TSPAN18: variants seen among roughly 807,000 people sequenced by gnomAD.
The protein encoded by TSPAN18 is tetraspanin 18.
TSPAN18 carries 14 observed loss-of-function variants against 27.3 expected under a neutral mutation model. That is an observed-to-expected ratio of 0.51 (90% CI 0.34 to 0.80). The LOEUF is 0.80. Ranked by LOEUF, TSPAN18 falls within the 30% of genes least tolerant of loss-of-function variation. The pLI, the probability that TSPAN18 is intolerant of heterozygous loss-of-function variation, is 0.01. For missense variants in TSPAN18, 268 were observed against 323.9 expected (o/e 0.83, Z 1.32); for synonymous variants, 143 against 136.5 (o/e 1.05, Z -0.33).
rs71038824 is a variant in TSPAN18, at chr11:44,867,389, CTTTTTTTTTTT to C, written c.-11+6937_-11+6947del. On this transcript the variant is annotated intron_variant, in intron 3 of 9. Coordinates refer to ENST00000520358, the MANE Select transcript of TSPAN18 (RefSeq NM_130783.5). ...ACTGGAGAAGGCTTGGTTTATGAAT[CTTTTTTTTTTT>C]TTTTTTTTTTTTTTTTCAGACAGAG... 2.6e-3 allele frequency among the ~76,000 whole-genome samples: 157 copies of C among 60,426 alleles called. 6 individuals carry two copies. In the East Asian group the frequency reaches 0.05, roughly 19 times the overall value. 39.6% of individuals were successfully genotyped at this position (60,426 alleles called of 152,430 possible).
At chr11:44,738,733 T>C (rs1225951777) in intron 1 of TSPAN18, among the ~76,000 whole-genome samples, 2 of 152,196 alleles carry the variant, frequency 1.3e-5, no homozygotes, top group Non-Finnish European at 2.9e-5. Context: ...TCATTATAAC[T>C]TAATTGCCAA....
intron 3 of TSPAN18, among the ~76,000 whole-genome samples, chr11:44,899,316 T>G (rs1213082280): frequency 6.6e-6 from 1 of 152,230 alleles, no homozygotes; most frequent in Non-Finnish European, 1.5e-5. Context: ...GGTCCCCACC[T>G]GGGGGTAGTC....
intron 2 of TSPAN18, among the ~76,000 whole-genome samples, chr11:44,802,558 C>A (rs1856504579): frequency 6.8e-6 from 1 of 146,692 alleles, no homozygotes; most frequent in African/African-American, 2.5e-5. Flanking sequence ...AGGGCTGCCT[C>A]CCCAGCCCCC....
intron 2 of TSPAN18, among the ~76,000 whole-genome samples, chr11:44,786,731 A>G (rs1489055162): frequency 6.7e-6 from 1 of 150,130 alleles, no homozygotes; most frequent in Non-Finnish European, 1.5e-5. Context: ...CCCTGGGTTC[A>G]AGCGATTCTC....
At chr11:44,741,366 C>T (rs751844476) in intron 1 of TSPAN18, among the ~76,000 whole-genome samples, 2 of 151,618 alleles carry the variant, frequency 1.3e-5, no homozygotes, top group African/African-American at 4.9e-5. Flanking sequence ...GCTATGTAAT[C>T]GAATTTAAAT....
chr11:44,823,820 C>T (rs964287564), intron 2 of TSPAN18, among the ~76,000 whole-genome samples: 1 of 152,150 alleles, frequency 6.6e-6, no homozygotes, highest in African/African-American at 2.4e-5. Flanking sequence ...ATCAGCATTT[C>T]CCATCACCCT....
intron 1 of TSPAN18, among the ~76,000 whole-genome samples, chr11:44,728,270 A>G (rs1032178642): frequency 6.6e-6 from 1 of 152,232 alleles, no homozygotes; most frequent in African/African-American, 2.4e-5. Context: ...GCCAGGGCAA[A>G]TGGATGAGTA....
chr11:44,727,816 C>A (rs1854553694), intron 1 of TSPAN18, among the ~76,000 whole-genome samples: 1 of 152,186 alleles, frequency 6.6e-6, no homozygotes, highest in Non-Finnish European at 1.5e-5. Context: ...AGGCGCCACT[C>A]GTTCCTCCAG....
chr11:44,901,781 G>A (rs768923554), intron 3 of TSPAN18, among the ~76,000 whole-genome samples: 12 of 152,224 alleles, frequency 7.9e-5, no homozygotes, highest in Non-Finnish European at 1.6e-4. Flanking sequence ...AGTTGGGTGA[G>A]TGGTGTTTTT....
At chr11:44,899,733 A>G (rs150303261) in intron 3 of TSPAN18, among the ~76,000 whole-genome samples, 238 of 152,372 alleles carry the variant, frequency 1.6e-3, no homozygotes, top group African/African-American at 5.5e-3. Flanking sequence ...GCATGAAAGC[A>G]AAGGCCTGGA....
intron 2 of TSPAN18, among the ~76,000 whole-genome samples, chr11:44,768,298 C>A (rs1370696504): frequency 6.6e-6 from 1 of 152,184 alleles, no homozygotes; most frequent in South Asian, 2.1e-4. Flanking sequence ...TAGTTTTCCT[C>A]ATACAGATCT....
intron 3 of TSPAN18, among the ~76,000 whole-genome samples, chr11:44,870,067 A>G (rs570203322): frequency 1.3e-5 from 2 of 151,958 alleles, no homozygotes; most frequent in South Asian, 2.1e-4. Context: ...CCTTGTTCCT[A>G]TTTTATTTTT....
intron 2 of TSPAN18, among the ~76,000 whole-genome samples, chr11:44,832,776 T>C (rs1173435186): frequency 6.6e-6 from 1 of 152,136 alleles, no homozygotes; most frequent in Non-Finnish European, 1.5e-5. Context: ...CTTCTCCTTG[T>C]TCAGACGACA....
At chr11:44,901,152 G>A (rs1345403059) in intron 3 of TSPAN18, 3 of 152,116 alleles carry the variant, frequency 2.0e-5, no homozygotes, top group East Asian at 3.9e-4. Context: ...CTCTGAAACT[G>A]GAACCCGGGC....
At chr11:44,848,858 C>G (rs1212544128) in intron 2 of TSPAN18, among the ~76,000 whole-genome samples, 3 of 152,184 alleles carry the variant, frequency 2.0e-5, no homozygotes, top group Non-Finnish European at 4.4e-5. Context: ...CCCCCCACCC[C>G]CCTGGCCCTG....
At chr11:44,829,168 G>A (rs1857104945) in intron 2 of TSPAN18, among the ~76,000 whole-genome samples, 1 of 152,202 alleles carries the variant, frequency 6.6e-6, no homozygotes, top group East Asian at 1.9e-4. Flanking sequence ...ATTTGTTACA[G>A]TTGAACCAAT....
intron 1 of TSPAN18, among the ~76,000 whole-genome samples, chr11:44,729,978 A>T (rs761713483): frequency 1.3e-5 from 2 of 152,120 alleles, no homozygotes; most frequent in Non-Finnish European, 2.9e-5. Flanking sequence ...TGTAAAATGA[A>T]TATGTTGGCT....
At chr11:44,739,181 C>T (rs1854870016) in intron 1 of TSPAN18, among the ~76,000 whole-genome samples, 1 of 152,180 alleles carries the variant, frequency 6.6e-6, no homozygotes, top group South Asian at 2.1e-4. Context: ...TTTACTTCTG[C>T]ACCTAGGCTG....
intron 5 of TSPAN18, among the ~76,000 whole-genome samples, chr11:44,914,996 T>C (rs922271643): frequency 6.6e-6 from 1 of 152,224 alleles, no homozygotes; most frequent in Admixed American, 6.5e-5. Context: ...CCATGCGCAG[T>C]CATCCTGGAT....
Sources: allele counts gnomAD v4.1 joint callset (sites outside exome capture counted in the v4.1 genomes callset), GRCh38; gene constraint gnomAD v4.1.1; transcripts MANE v1.5; gene names NCBI Gene and HGNC (gene_info 2026-07-23, HGNC 2026-07-21).